The following GRM7 variants were observed in gnomAD, a reference collection of about 807,000 sequenced individuals.
GRM7 encodes metabotropic glutamate receptor 7.
Under a neutral mutation model 84.5 loss-of-function variants are expected in GRM7, and 35 were observed. The observed-to-expected ratio is 0.41, with a 90% CI of 0.32 to 0.55. The LOEUF (loss-of-function observed/expected upper bound fraction) is 0.55, where lower values mean the gene tolerates loss of function less well. Among genes scored for constraint, GRM7 ranks in the 20% least tolerant of loss-of-function variants. The probability of loss-of-function intolerance (pLI) is 0.19; values close to 1 mark genes in which losing one functional copy is unlikely to be tolerated. For missense variants in GRM7, 1,003 were observed against 1,194.6 expected, an observed-to-expected ratio of 0.84 and a Z score of 2.36; for synonymous variants, 487 against 455.1, an observed-to-expected ratio of 1.07 and a Z score of -0.89.
intron 8 of GRM7, 50 bp from the exon 9 acceptor site, chr3:7,679,998 CT>C (rs1199212316): frequency 3.8e-6 from 6 of 1,585,036 alleles, no homozygotes; most frequent in Non-Finnish European, 5.2e-6. Flanking sequence ...GTTCAGACCC[CT>C]ACTGCAGTCA....
At chr3:7,547,100 T>C (rs965836182) in intron 7 of GRM7, among the ~76,000 whole-genome samples, 1 of 151,704 alleles carries the variant, frequency 6.6e-6, no homozygotes, top group East Asian at 1.9e-4. Context: ...ATTCAATTAA[T>C]TGAAGTGTTA....
At chr3:7,370,754 G>A (rs188912637) in intron 4 of GRM7, among the ~76,000 whole-genome samples, 226 of 152,210 alleles carry the variant, frequency 1.5e-3, no homozygotes, top group Non-Finnish European at 2.9e-3. Context: ...AAGAAATCGT[G>A]TACATCAGTG....
At chr3:6,922,820 A>G (rs1697169662) in intron 1 of GRM7, among the ~76,000 whole-genome samples, 2 of 152,200 alleles carry the variant, frequency 1.3e-5, no homozygotes, top group African/African-American at 4.8e-5. Flanking sequence ...AAGGTATGGT[A>G]TTTTGACTGC....
At chr3:7,579,402 C>T (rs1247703896) in intron 8 of GRM7, 45 bp downstream of exon 8, 1 of 1,191,264 alleles carries the variant, frequency 8.4e-7, no homozygotes, top group African/African-American at 1.5e-5. Flanking sequence ...AAAATGTGTT[C>T]ATTTTTGTAA....
chr3:7,642,181 C>A (rs1698394809), intron 8 of GRM7, among the ~76,000 whole-genome samples: 2 of 152,066 alleles, frequency 1.3e-5, no homozygotes, highest in Non-Finnish European at 2.9e-5. Context: ...ACATTTTTGC[C>A]TAGGAATATA....
At chr3:7,686,275 C>A in intron 9 of GRM7, 1 of 672,412 alleles carries the variant, frequency 1.5e-6, no homozygotes, top group South Asian at 1.9e-5. Flanking sequence ...AGCCTTTTCC[C>A]AAAAGGAAAA....
chr3:7,524,015 C>T (rs1026798827), intron 7 of GRM7, among the ~76,000 whole-genome samples: 5 of 152,084 alleles, frequency 3.3e-5, no homozygotes, highest in Non-Finnish European at 5.9e-5. Context: ...CTAGAGAGAT[C>T]ACGGAGGCTA....
At chr3:7,613,683 T>C (rs1185529332) in intron 8 of GRM7, among the ~76,000 whole-genome samples, 2 of 152,290 alleles carry the variant, frequency 1.3e-5, no homozygotes, top group East Asian at 3.9e-4. Flanking sequence ...ATCTGGGCCT[T>C]AATTTCCTCT....
intron 2 of GRM7, among the ~76,000 whole-genome samples, chr3:7,223,438 T>G (rs540180742): frequency 2.6e-5 from 4 of 152,256 alleles, no homozygotes; most frequent in African/African-American, 9.6e-5. Flanking sequence ...AGTTCATTTC[T>G]CATTTTATAC....
chr3:6,992,506 T>G (rs1040632425), intron 1 of GRM7, among the ~76,000 whole-genome samples: 1 of 152,134 alleles, frequency 6.6e-6, no homozygotes, highest in Non-Finnish European at 1.5e-5. Flanking sequence ...ATTTAGATGA[T>G]TCAGGAAACG....
At chr3:7,312,928 C>CT (rs1156295885) in intron 4 of GRM7, among the ~76,000 whole-genome samples, 1 of 124,108 alleles carries the variant, frequency 8.1e-6, no homozygotes, top group Admixed American at 8.1e-5. Flanking sequence ...CCTTTTTTTT[C>CT]TTTTTTTCTT....
At chr3:7,531,277 C>A (rs1027858819) in intron 7 of GRM7, among the ~76,000 whole-genome samples, 2 of 151,954 alleles carry the variant, frequency 1.3e-5, no homozygotes, top group African/African-American at 2.4e-5. Flanking sequence ...ATATCTGAGG[C>A]CTTTTTTTCT....
At chr3:7,070,870 G>C (rs1261313040) in intron 1 of GRM7, among the ~76,000 whole-genome samples, 1 of 152,100 alleles carries the variant, frequency 6.6e-6, no homozygotes, top group East Asian at 1.9e-4. Context: ...ATTTCTAAGA[G>C]TTCTACTCTA....
At chr3:7,582,696 A>T (rs1329535859) in intron 8 of GRM7, among the ~76,000 whole-genome samples, 1 of 152,126 alleles carries the variant, frequency 6.6e-6, no homozygotes, top group Non-Finnish European at 1.5e-5. Context: ...TTTGATTTCC[A>T]CGGGAGCCTT....
chr3:7,521,863 C>T (rs1481258608), intron 7 of GRM7, among the ~76,000 whole-genome samples: 1 of 152,138 alleles, frequency 6.6e-6, no homozygotes, highest in East Asian at 1.9e-4. Context: ...CATGCAAAAT[C>T]ATTTATGGCT....
At chr3:7,551,819 T>C (rs1303024086) in intron 7 of GRM7, among the ~76,000 whole-genome samples, 5 of 152,274 alleles carry the variant, frequency 3.3e-5, no homozygotes, top group Non-Finnish European at 7.4e-5. Flanking sequence ...ATTTTCTTAC[T>C]GCTATAAAGA....
chr3:7,252,488 C>T (rs1698028995), intron 2 of GRM7, among the ~76,000 whole-genome samples: 1 of 152,038 alleles, frequency 6.6e-6, no homozygotes, highest in Admixed American at 6.6e-5. Flanking sequence ...CTGATGGGTG[C>T]TACAGAGCAA....
intron 2 of GRM7, among the ~76,000 whole-genome samples, chr3:7,238,932 TTTTG>T (rs1301657461): frequency 2.0e-5 from 3 of 151,018 alleles, no homozygotes; most frequent in Admixed American, 1.3e-4. Context: ...TTCCTTTACT[TTTTG>T]TTTTTCTCTT....
At chr3:7,463,258 A>G (rs528508371) in intron 7 of GRM7, among the ~76,000 whole-genome samples, 2 of 152,342 alleles carry the variant, frequency 1.3e-5, no homozygotes, top group African/African-American at 4.8e-5. Flanking sequence ...TAATTTGTCC[A>G]ATATCCGTAA....
Sources: gnomAD v4.1 joint callset for allele counts (sites outside exome capture counted in the v4.1 genomes callset) on GRCh38, gnomAD v4.1.1 for gene constraint, MANE v1.5 for transcripts, NCBI Gene and HGNC (gene_info 2026-07-23, HGNC 2026-07-21) for gene names.